Variants in RPH3AL observed in about 807,000 individuals in gnomAD.
The protein encoded by RPH3AL is rabphilin 3A like (without C2 domains), also known as rab effector Noc2.
RPH3AL carries 38 observed loss-of-function variants against 43.1 expected under a neutral mutation model. That is an observed-to-expected ratio of 0.88 (90% CI 0.68 to 1.15). RPH3AL has a LOEUF of 1.15. Ranked by LOEUF, RPH3AL falls within the 50% of genes most tolerant of loss-of-function variation. The probability of loss-of-function intolerance (pLI) is 0.00; values close to 1 mark genes in which losing one functional copy is unlikely to be tolerated. For synonymous variants in RPH3AL, 189 were observed against 176.3 expected, an observed-to-expected ratio of 1.07 and a Z score of -0.57; for missense variants, 462 against 423.2, an observed-to-expected ratio of 1.09 and a Z score of -0.81.
At chr17:281,632 T>G in intron 6 of RPH3AL, 136 bp downstream of exon 6, 1 of 674,214 alleles carries the variant, frequency 1.5e-6, no homozygotes, top group Non-Finnish European at 2.6e-6. Flanking sequence ...TCCCAGTGAC[T>G]GTCCACCCAT....
intron 7 of RPH3AL, among the ~76,000 whole-genome samples, chr17:232,145 C>T (rs994251316): frequency 2.6e-5 from 4 of 152,250 alleles, no homozygotes; most frequent in African/African-American, 9.6e-5. Context: ...CGGGCCTCTA[C>T]TCCCCTGAGA....
At chr17:247,611 C>T in intron 6 of RPH3AL, 1 of 310,968 alleles carries the variant, frequency 3.2e-6, no homozygotes, top group South Asian at 7.7e-5. Flanking sequence ...TCAGTCTCCT[C>T]AGCAGCTGGG....
intron 5 of RPH3AL, among the ~76,000 whole-genome samples, chr17:309,565 C>T (rs7501471): frequency 0.27 from 9,717 of 35,790 alleles, 1,524 homozygotes; most frequent in East Asian, 0.47. Context: ...GGATATGGCA[C>T]GTCCCCTGCC....
intron 5 of RPH3AL, among the ~76,000 whole-genome samples, chr17:301,177 G>A (rs1052700753): frequency 3.9e-5 from 6 of 152,276 alleles, no homozygotes; most frequent in Admixed American, 1.3e-4. Context: ...TCGTGGGCAC[G>A]TAGCCGTCGG....
intron 1 of RPH3AL, among the ~76,000 whole-genome samples, chr17:342,927 G>A (rs1361732136): frequency 5.3e-5 from 8 of 152,200 alleles, no homozygotes; most frequent in Admixed American, 3.3e-4. Context: ...GAAACACCAC[G>A]ACAGATCAAG....
intron 5 of RPH3AL, among the ~76,000 whole-genome samples, chr17:293,155 G>A (rs1388051789): frequency 6.6e-6 from 1 of 152,130 alleles, no homozygotes; most frequent in Non-Finnish European, 1.5e-5. Flanking sequence ...TCAGGCCTGT[G>A]CCAGCCCCCA....
chr17:232,860 GTGTGTGT>G (rs2041263108), intron 7 of RPH3AL, among the ~76,000 whole-genome samples: 1 of 118,600 alleles, frequency 8.4e-6, no homozygotes, highest in Non-Finnish European at 2.0e-5. Context: ...GTGTGTGTGT[GTGTGTGT>G]GTGTGTGTGT....
chr17:315,469 T>A (rs1555519982), intron 5 of RPH3AL, among the ~76,000 whole-genome samples: 1 of 151,826 alleles, frequency 6.6e-6, no homozygotes, highest in South Asian at 2.1e-4. Flanking sequence ...GTAGTCCCTG[T>A]GCTCCCACCT....
rs1209114643 is a variant in RPH3AL at position 283,173 on chromosome 17, C to T, written c.352-1319G>A. On this transcript the variant is annotated intron_variant, in intron 5 of 9. Coordinates refer to ENST00000331302, the MANE Select transcript of RPH3AL (RefSeq NM_006987.4). The surrounding 1 kb of genome is among the most constrained non-coding windows in gnomAD (Gnocchi z 4.2). Reference sequence around the variant, plus strand: ...TGGGTGGGGGCTCTCTGCAGCCCCCCGCCGAGGGAAGGTTGCATCTGTTGC... The same window carrying T: ...TGGGTGGGGGCTCTCTGCAGCCCCCTGCCGAGGGAAGGTTGCATCTGTTGC... 2.0e-5 allele frequency among the ~76,000 whole-genome samples: 3 copies of T among 152,146 alleles called. No homozygotes were observed. Among genetic ancestry groups the T allele is most frequent in the Admixed American group, 6.5e-5 (1 of 15,278 alleles).
chr17:284,114 G>A (rs1473641424), intron 5 of RPH3AL, among the ~76,000 whole-genome samples: 2 of 152,216 alleles, frequency 1.3e-5, no homozygotes, highest in Non-Finnish European at 2.9e-5. Flanking sequence ...TAAACATGCA[G>A]AGTGCCCTGC....
intron 5 of RPH3AL, among the ~76,000 whole-genome samples, chr17:294,572 C>T (rs1287577647): frequency 6.9e-6 from 1 of 145,576 alleles, no homozygotes; most frequent in East Asian, 2.1e-4. Flanking sequence ...GACAGAGGAG[C>T]TGCAGAAATG....
rs916755017 is a variant in RPH3AL at position 274,239 on chromosome 17, G to A, written c.438+7529C>T. 3.9e-5 allele frequency among the ~76,000 whole-genome samples: 6 copies of A among 152,248 alleles called. No homozygotes were observed. The highest frequency in any genetic ancestry group is 9.6e-5 in the African/African-American group (4 of 41,462). On this transcript the variant is annotated intron_variant, in intron 6 of 9. Transcript: ENST00000331302. The surrounding 1 kb of genome is among the most constrained non-coding windows in gnomAD (Gnocchi z 4.7). ...AAGGCACCGCGAAACCCCAGCCCGGGGCCTCTGACAGCTCAGCACCAGGCT... is the reference window on the plus strand; with the variant it reads ...AAGGCACCGCGAAACCCCAGCCCGGAGCCTCTGACAGCTCAGCACCAGGCT...
intron 6 of RPH3AL, among the ~76,000 whole-genome samples, chr17:276,079 T>C (rs963534611): frequency 2.0e-5 from 3 of 152,126 alleles, no homozygotes; most frequent in African/African-American, 7.2e-5. Flanking sequence ...TCCAGGACAG[T>C]TGGTACAGAG....
chr17:222,235 C>A (rs2041008982), intron 7 of RPH3AL, among the ~76,000 whole-genome samples: 1 of 152,246 alleles, frequency 6.6e-6, no homozygotes, highest in African/African-American at 2.4e-5. Flanking sequence ...AACAGCATTA[C>A]CCCCATTTCA....
intron 7 of RPH3AL, among the ~76,000 whole-genome samples, chr17:224,510 C>G (rs1280349347): frequency 1.3e-5 from 2 of 152,228 alleles, no homozygotes; most frequent in African/African-American, 2.4e-5. Flanking sequence ...GCCCTGTGCT[C>G]TCTGCTACAA....
At chr17:224,810 T>C (rs951818504) in intron 7 of RPH3AL, among the ~76,000 whole-genome samples, 1 of 152,146 alleles carries the variant, frequency 6.6e-6, no homozygotes, top group Non-Finnish European at 1.5e-5. Flanking sequence ...TCATGTCCTT[T>C]GTAGGGACAT....
In RPH3AL at chr17:273,127, CG is replaced by C. The variant is rs1486515480; in HGVS notation, c.438+8640del. 4.7e-4 allele frequency among the ~76,000 whole-genome samples: 32 copies of C among 67,950 alleles called. 2 individuals are homozygous for C. Among genetic ancestry groups the C allele is most frequent in the East Asian group, 1.1e-3 (2 of 1,898 alleles). The allele number at this position is 67,950 out of a possible 152,430, so 44.6% of individuals were successfully genotyped here. ...CAGGGAGAGACCCCAGCGAGGGTGA[CG>C]TCAGGGAGAGACCCCAGCGAGGGTG... is the stretch of plus-strand genomic sequence containing the variant. On this transcript the variant is annotated intron_variant, in intron 6 of 9. Coordinates refer to ENST00000331302, the MANE Select transcript of RPH3AL (RefSeq NM_006987.4).
intron 2 of RPH3AL, 31 bp from the exon 3 acceptor site, chr17:327,610 T>C: frequency 6.9e-7 from 1 of 1,458,572 alleles, no homozygotes; most frequent in South Asian, 1.1e-5. Context: ...CGAAAGAGTG[T>C]GCATCATTGG....
rs902081260 is a variant in RPH3AL at position 235,034 on chromosome 17, C to T, written c.613+12077G>A. Among the ~76,000 whole-genome samples, 10 of 152,306 alleles carry T rather than the reference C, an allele frequency of 6.6e-5. No individual in the cohort carries two copies. In the East Asian group the frequency reaches 7.7e-4, roughly 12 times the overall value. ...ACAGCATATGCGTTTGACGGAAAAA[C>T]GGCAGCCACAGGGCTGCTTATTAGC... On this transcript the variant is annotated intron_variant, in intron 7 of 9. Coordinates refer to ENST00000331302, the MANE Select transcript of RPH3AL (RefSeq NM_006987.4).
Sources: gnomAD v4.1 joint callset for allele counts (sites outside exome capture counted in the v4.1 genomes callset) on GRCh38, gnomAD v4.1.1 for gene constraint, Gnocchi (gnomAD v3.1) non-coding constraint, MANE v1.5 for transcripts, NCBI Gene and HGNC (gene_info 2026-07-23, HGNC 2026-07-21) for gene names.